Variants in BRINP3 observed in about 807,000 individuals in gnomAD.
BRINP3 encodes BMP/retinoic acid-inducible neural-specific protein 3.
Under a neutral mutation model 71.0 loss-of-function variants are expected in BRINP3, and 19 were observed. That is an observed-to-expected ratio of 0.27 (90% confidence interval 0.19 to 0.39). The LOEUF (loss-of-function observed/expected upper bound fraction) is 0.39. Among genes scored for constraint, BRINP3 ranks in the 10% least tolerant of loss-of-function variants. The pLI is 1.00. For missense variants in BRINP3, 959 were observed against 940.8 expected, an observed-to-expected ratio of 1.02 and a Z score of -0.25; for synonymous variants, 380 against 337.7, an observed-to-expected ratio of 1.13 and a Z score of -1.37.
intron 6 of BRINP3, among the ~76,000 whole-genome samples, chr1:190,201,462 T>C (rs1490192514): frequency 6.6e-6 from 1 of 152,216 alleles, no homozygotes; most frequent in African/African-American, 2.4e-5. Context: ...AATCCCATTT[T>C]AGTTGAAGAA....
chr1:190,457,619 C>T (rs1424960657), intron 1 of BRINP3, among the ~76,000 whole-genome samples: 1 of 151,946 alleles, frequency 6.6e-6, no homozygotes, highest in Non-Finnish European at 1.5e-5. Context: ...TTGTAAAATC[C>T]CTAGAATAGT....
rs373098605 is a variant in BRINP3, at chr1:190,454,676, C to T, written c.215G>A (p.Ser72Asn). Residue 72 changes from serine (S) to asparagine (N), a missense_variant, in exon 2 of 8, where the codon AGC (serine) becomes AAC (asparagine). Transcript: ENST00000367462. ...ATACCTGTATATCTTGTATCTTGTGCTAAATCCCTGCCGGCTTCTGTCCAC... is the reference window on the plus strand; with the variant it reads ...ATACCTGTATATCTTGTATCTTGTGTTAAATCCCTGCCGGCTTCTGTCCAC... ...DFVDRSRQGF[S>N]TRYKIYREFG... 33 of 1,613,790 alleles carry T rather than the reference C, an allele frequency of 2.0e-5. No homozygotes were observed. In the African/African-American group the frequency reaches 2.4e-4, roughly 12 times the overall value.
intron 2 of BRINP3, among the ~76,000 whole-genome samples, chr1:190,283,717 A>G (rs2102943376): frequency 6.6e-6 from 1 of 150,612 alleles, no homozygotes; most frequent in East Asian, 1.9e-4. Context: ...TCAAATATTT[A>G]AGTCCTAAAT....
chr1:190,275,622 G>A (rs1662490066), intron 3 of BRINP3, among the ~76,000 whole-genome samples: 1 of 151,458 alleles, frequency 6.6e-6, no homozygotes, highest in Non-Finnish European at 1.5e-5. Flanking sequence ...ACCGTCATAA[G>A]TAACTCAGTA....
At chr1:190,407,881 C>T (rs1473900895) in intron 2 of BRINP3, among the ~76,000 whole-genome samples, 1 of 152,072 alleles carries the variant, frequency 6.6e-6, no homozygotes, top group African/African-American at 2.4e-5. Flanking sequence ...AGAAGAATTT[C>T]CAAACTAATT....
At chr1:190,207,190 C>G (rs1334062990) in intron 6 of BRINP3, among the ~76,000 whole-genome samples, 1 of 152,056 alleles carries the variant, frequency 6.6e-6, no homozygotes. Flanking sequence ...CAACATTTGA[C>G]AAGCTTACCG....
At chr1:190,253,077 T>A (rs1027266964) in intron 4 of BRINP3, among the ~76,000 whole-genome samples, 39 of 152,110 alleles carry the variant, frequency 2.6e-4, no homozygotes, top group African/African-American at 8.9e-4. Context: ...GGTTTCCAGC[T>A]GGATTCATTT....
intron 4 of BRINP3, 113 bp from the exon 5 acceptor site, chr1:190,234,590 A>T: frequency 1.4e-6 from 1 of 731,632 alleles, no homozygotes; most frequent in Non-Finnish European, 2.3e-6. Context: ...TATCACTGAA[A>T]GGTCCAGGAT....
At chr1:190,353,584 G>A (rs994913656) in intron 2 of BRINP3, among the ~76,000 whole-genome samples, 2 of 151,976 alleles carry the variant, frequency 1.3e-5, no homozygotes, top group African/African-American at 4.8e-5. Context: ...GGCTATCAAA[G>A]TTTCTTGATT....
chr1:190,343,961 A>C (rs2103121296), intron 2 of BRINP3, among the ~76,000 whole-genome samples: 1 of 151,874 alleles, frequency 6.6e-6, no homozygotes, highest in African/African-American at 2.4e-5. Flanking sequence ...TCATAATATA[A>C]GGACAAAGCA....
intron 2 of BRINP3, among the ~76,000 whole-genome samples, chr1:190,383,784 A>C (rs545380947): frequency 6.6e-6 from 1 of 152,048 alleles, no homozygotes; most frequent in Non-Finnish European, 1.5e-5. Flanking sequence ...CTGAATTTAT[A>C]AACATTATAC....
At chr1:190,470,214 A>G (rs183461276) in intron 1 of BRINP3, among the ~76,000 whole-genome samples, 121 of 151,190 alleles carry the variant, frequency 8.0e-4, no homozygotes, top group Non-Finnish European at 1.4e-3. Context: ...AATCCTGATG[A>G]GCTTGGCTAA....
intron 2 of BRINP3, among the ~76,000 whole-genome samples, chr1:190,301,291 C>T (rs768574883): frequency 4.9e-5 from 7 of 142,446 alleles, no homozygotes; most frequent in Middle Eastern, 4.0e-3. Context: ...AATATTTTAC[C>T]AGTTCCCATA....
chr1:190,221,140 C>T (rs961538131), intron 6 of BRINP3, among the ~76,000 whole-genome samples: 1 of 152,074 alleles, frequency 6.6e-6, no homozygotes, highest in Non-Finnish European at 1.5e-5. Flanking sequence ...ATCGCTTGAA[C>T]CCGGGAGGCA....
intron 2 of BRINP3, among the ~76,000 whole-genome samples, chr1:190,372,692 T>C (rs935264023): frequency 3.9e-5 from 6 of 152,220 alleles, no homozygotes; most frequent in Non-Finnish European, 2.9e-5. Flanking sequence ...TTCCCCTCTC[T>C]TCTAATCGTT....
At chr1:190,140,793 G>T (rs1655368331) in intron 7 of BRINP3, among the ~76,000 whole-genome samples, 1 of 152,034 alleles carries the variant, frequency 6.6e-6, no homozygotes, top group Admixed American at 6.6e-5. Flanking sequence ...AGTACTGGTG[G>T]CCTCTTTACC....
intron 2 of BRINP3, among the ~76,000 whole-genome samples, chr1:190,311,642 G>C (rs1241247580): frequency 6.6e-6 from 1 of 151,276 alleles, no homozygotes; most frequent in Non-Finnish European, 1.5e-5. Flanking sequence ...TTAATATGGA[G>C]GTTAATTTTT....
At chr1:190,429,772 G>A (rs919812964) in intron 2 of BRINP3, among the ~76,000 whole-genome samples, 1 of 151,622 alleles carries the variant, frequency 6.6e-6, no homozygotes, top group African/African-American at 2.4e-5. Flanking sequence ...TGTATTTTTA[G>A]TCGAGACAGT....
chr1:190,161,080 C>T (rs1286688324), intron 6 of BRINP3, among the ~76,000 whole-genome samples, 190 bp from the exon 7 acceptor site: 1 of 152,026 alleles, frequency 6.6e-6, no homozygotes, highest in Non-Finnish European at 1.5e-5. Context: ...TTAGAATTAT[C>T]TTCTTTGCTG....
Sources: allele counts gnomAD v4.1 joint callset (sites outside exome capture counted in the v4.1 genomes callset), GRCh38; gene constraint gnomAD v4.1.1; transcripts MANE v1.5; gene names NCBI Gene and HGNC (gene_info 2026-07-23, HGNC 2026-07-21).